The following KANK1 variants were observed in gnomAD, a reference collection of about 807,000 sequenced individuals.
The protein encoded by KANK1 is KN motif and ankyrin repeat domains 1, also known as KN motif and ankyrin repeat domain-containing protein 1.
Under a neutral mutation model 106.2 loss-of-function variants are expected in KANK1, and 109 were observed. That is an observed-to-expected ratio of 1.03 (90% CI 0.88 to 1.20). The LOEUF (loss-of-function observed/expected upper bound fraction) is 1.20, where lower values mean the gene tolerates loss of function less well. Ranked by LOEUF, KANK1 falls within the 50% of genes most tolerant of loss-of-function variation. The probability of loss-of-function intolerance (pLI) is 0.00; values close to 1 mark genes in which losing one functional copy is unlikely to be tolerated. For missense variants in KANK1, 2,399 were observed against 1,710.7 expected, an observed-to-expected ratio of 1.40 and a Z score of -7.10; for synonymous variants, 873 against 652.2, an observed-to-expected ratio of 1.34 and a Z score of -5.16.
intron 1 of KANK1, among the ~76,000 whole-genome samples, chr9:552,849 A>T (rs538673085): frequency 6.6e-6 from 1 of 152,258 alleles, no homozygotes; most frequent in Admixed American, 6.5e-5. Flanking sequence ...TTTGTTAGAA[A>T]TGAACATGAT....
intron 1 of KANK1, among the ~76,000 whole-genome samples, chr9:566,555 C>T (rs917001749): frequency 5.3e-5 from 8 of 152,202 alleles, no homozygotes; most frequent in Admixed American, 5.2e-4. Context: ...GCCATTCTGA[C>T]AGGTGCGAGA....
chr9:703,126 G>C (rs926555663), intron 2 of KANK1, among the ~76,000 whole-genome samples: 6 of 152,044 alleles, frequency 3.9e-5, no homozygotes. Flanking sequence ...CAAGTAGCTG[G>C]GTTTACAGGC....
At chr9:677,330 A>G (rs887269157) in intron 2 of KANK1, among the ~76,000 whole-genome samples, 1 of 152,212 alleles carries the variant, frequency 6.6e-6, no homozygotes, top group African/African-American at 2.4e-5. Context: ...GAGGGATTGA[A>G]TGAGGAGAGA....
chr9:568,232 T>C (rs566022442), intron 1 of KANK1, among the ~76,000 whole-genome samples: 2 of 152,224 alleles, frequency 1.3e-5, no homozygotes, highest in Non-Finnish European at 2.9e-5. Flanking sequence ...GGCAAAAATA[T>C]TCAAATGTTG....
intron 2 of KANK1, among the ~76,000 whole-genome samples, chr9:691,376 A>C (rs116285255): frequency 6.5e-4 from 98 of 151,180 alleles, no homozygotes; most frequent in African/African-American, 2.1e-3. Flanking sequence ...AAGTCTTTTG[A>C]TAGTTTTAAA....
At chr9:669,859 T>C (rs1845497974) in intron 1 of KANK1, among the ~76,000 whole-genome samples, 1 of 152,146 alleles carries the variant, frequency 6.6e-6, no homozygotes, top group Non-Finnish European at 1.5e-5. Flanking sequence ...CCAATAATTC[T>C]TAGATTTGGT....
At chr9:601,466 A>C (rs1376497338) in intron 1 of KANK1, among the ~76,000 whole-genome samples, 1 of 151,784 alleles carries the variant, frequency 6.6e-6, no homozygotes, top group Non-Finnish European at 1.5e-5. Flanking sequence ...GAATGACTAG[A>C]TTTGGGGCTG....
intron 1 of KANK1, among the ~76,000 whole-genome samples, chr9:652,735 C>T (rs1046417267): frequency 1.3e-5 from 2 of 152,074 alleles, no homozygotes; most frequent in Non-Finnish European, 1.5e-5. Flanking sequence ...CTTATAAAAC[C>T]ACAAGAAAGA....
At position 677,902 on chromosome 9, in the gene KANK1, C is replaced by G. The variant is rs184601062; in HGVS notation, c.37+893C>G. On this transcript the variant is annotated intron_variant, in intron 2 of 11. Transcript: ENST00000382297. ...TGAAATATTGGGCAGGGCTATTTCT[C>G]CACATGTAAACCATCGGTAAGTATA... 2.8e-3 allele frequency among the ~76,000 whole-genome samples: 433 copies of G among 152,288 alleles called. 2 individuals carry two copies. Among genetic ancestry groups the G allele is most frequent in the Non-Finnish European group, 4.0e-3 (270 of 68,030 alleles).
At position 711,615 on chromosome 9, in the gene KANK1, C is replaced by T. The variant is rs762643673; in HGVS notation, c.849C>T (p.Thr283=). 1.9e-6 allele frequency: 3 copies of T among 1,613,992 alleles called. No homozygotes were observed. In the African/African-American group the frequency reaches 4.0e-5, roughly 22 times the overall value. ...RLKELEEQVR[T]IPVLQVKISV... ...AGGAGCTGGAGGAGCAGGTGCGAACCATCCCTGTGCTCCAGGTAAAGATCT... is the reference window on the plus strand; with the variant it reads ...AGGAGCTGGAGGAGCAGGTGCGAACTATCCCTGTGCTCCAGGTAAAGATCT... The change falls in exon 3 of 12, where the codon ACC becomes ACT. Residue 283 remains threonine, a synonymous_variant. Coordinates refer to ENST00000382297, the MANE Select transcript of KANK1 (RefSeq NM_015158.5).
At chr9:692,220 A>G (rs1014461943) in intron 2 of KANK1, among the ~76,000 whole-genome samples, 3 of 152,154 alleles carry the variant, frequency 2.0e-5, no homozygotes, top group Non-Finnish European at 2.9e-5. Context: ...CTTCTGTCTC[A>G]TCTCCTACTG....
At chr9:631,350 A>C (rs1387059196) in intron 1 of KANK1, among the ~76,000 whole-genome samples, 1 of 152,210 alleles carries the variant, frequency 6.6e-6, no homozygotes, top group Non-Finnish European at 1.5e-5. Flanking sequence ...AGCCTTAACC[A>C]GGAAAATTTC....
rs373116697 is a variant in KANK1, at chr9:566,267, G to A, written c.-84+61513G>A. On this transcript the variant is annotated intron_variant, in intron 1 of 11. Transcript: ENST00000382297. ...TTTATCCACTGTACCACTGATGGGCGTTTAGGTTGATTCCATGTCTTTGCT... is the reference window on the plus strand; with the variant it reads ...TTTATCCACTGTACCACTGATGGGCATTTAGGTTGATTCCATGTCTTTGCT... 2.0e-4 allele frequency among the ~76,000 whole-genome samples: 30 copies of A among 152,258 alleles called. No homozygotes were observed. The East Asian group carries it at 4.6e-3, about 24-fold the overall frequency.
intron 1 of KANK1, among the ~76,000 whole-genome samples, chr9:613,346 C>T (rs1432946610): frequency 1.3e-5 from 2 of 151,028 alleles, no homozygotes; most frequent in Non-Finnish European, 2.9e-5. Flanking sequence ...GGAGATAGAG[C>T]AGAGCTTCAG....
upstream of KANK1, among the ~76,000 whole-genome samples, chr9:501,846 C>T (rs1587281959): frequency 6.6e-6 from 1 of 152,190 alleles, no homozygotes; most frequent in Non-Finnish European, 1.5e-5. Flanking sequence ...AGCGCCCAGC[C>T]TCGCGAGAGT....
At chr9:582,498 A>C (rs543448943) in intron 1 of KANK1, among the ~76,000 whole-genome samples, 4 of 152,148 alleles carry the variant, frequency 2.6e-5, no homozygotes, top group African/African-American at 7.2e-5. Context: ...CACACTGTGC[A>C]CTTTTGCCCT....
rs551576156 is a variant in KANK1 at position 744,807 on chromosome 9, C to G, written c.3996+218C>G. The G allele has an allele frequency of 2.1e-6, 3 of 1,442,086 alleles. No individual in the cohort carries two copies. In the African/African-American group the frequency reaches 4.3e-5, roughly 21 times the overall value. The allele number at this position is 1,442,086 out of a possible 1,614,324, so 89.3% of individuals were successfully genotyped here. The stretch of plus-strand genomic sequence containing the variant: ...CTGGACCTTGCTTGTCCTTGCAAGA[C>G]ATATGCTCACAGCTTCCCATAGAGG... On this transcript the variant is annotated intron_variant, in intron 11 of 11. Transcript: ENST00000382297.
chr9:677,093 A>T, intron 2 of KANK1, 84 bp downstream of exon 2: 1 of 1,256,840 alleles, frequency 8.0e-7, no homozygotes, highest in Non-Finnish European at 1.1e-6. Context: ...ATGAACGGAT[A>T]ATAGCAAGTT....
Position 732,401 on chromosome 9 carries a change from A to C in KANK1, c.3029A>C (p.Asp1010Ala). 1 of 1,612,534 alleles carries C rather than the reference A, an allele frequency of 6.2e-7. No homozygotes were observed. The highest frequency in any genetic ancestry group is 2.2e-5 in the East Asian group (1 of 44,844). ...NGGYETTSSD[D>A]SSSDESSSSE... ...AGGTATGAAACAACTTCAAGTGATG[A>C]TTCCAGCTCAGATGAAAGCTCTTCT... The change falls in exon 6 of 12, where the codon GAT becomes GCT. Residue 1010 changes from aspartate (D) to alanine (A), a missense_variant. Transcript: ENST00000382297.
Sources: allele counts gnomAD v4.1 joint callset (sites outside exome capture counted in the v4.1 genomes callset), GRCh38; gene constraint gnomAD v4.1.1; transcripts MANE v1.5; gene names NCBI Gene and HGNC (gene_info 2026-07-23, HGNC 2026-07-21).